Variants in GRM3 observed in about 807,000 individuals in gnomAD.
GRM3 encodes the protein glutamate metabotropic receptor 3.
Under a neutral mutation model 70.5 loss-of-function variants are expected in GRM3, and 26 were observed. The observed-to-expected ratio is 0.37, with a 90% CI of 0.27 to 0.51. GRM3 has a LOEUF of 0.51. GRM3 is among the 20% of genes least tolerant of loss of function. GRM3 has a pLI of 0.93. For missense variants in GRM3, 859 were observed against 1,123.8 expected, an observed-to-expected ratio of 0.76 and a Z score of 3.37; for synonymous variants, 443 against 434.9, an observed-to-expected ratio of 1.02 and a Z score of -0.23.
At chr7:86,838,726 C>T in intron 3 of GRM3, 113 bp from the exon 4 acceptor site, 2 of 637,748 alleles carry the variant, frequency 3.1e-6, no homozygotes, top group Non-Finnish European at 5.4e-6. Context: ...ATTATTTCAG[C>T]CTTGGAATCA....
chr7:86,862,133 G>T (rs1440793921), intron 5 of GRM3, among the ~76,000 whole-genome samples: 1 of 152,196 alleles, frequency 6.6e-6, no homozygotes, highest in Non-Finnish European at 1.5e-5. Flanking sequence ...AATGGAGGCA[G>T]GTTAGGGAAT....
At chr7:86,834,146 T>C (rs1798410807) in intron 3 of GRM3, among the ~76,000 whole-genome samples, 1 of 152,182 alleles carries the variant, frequency 6.6e-6, no homozygotes, top group Non-Finnish European at 1.5e-5. Context: ...AAATAATACA[T>C]GTACATAGTT....
intron 1 of GRM3, among the ~76,000 whole-genome samples, chr7:86,746,522 G>C (rs897640678): frequency 2.6e-5 from 4 of 151,152 alleles, no homozygotes; most frequent in Non-Finnish European, 5.9e-5. Flanking sequence ...GATGCCTTAG[G>C]GATCATTCAG....
intron 3 of GRM3, among the ~76,000 whole-genome samples, chr7:86,798,983 A>G (rs1452299670): frequency 6.7e-6 from 1 of 148,404 alleles, no homozygotes; most frequent in African/African-American, 2.6e-5. Context: ...TCTTTCCTTT[A>G]TAAATTACCT....
At chr7:86,665,646 A>G (rs1794006048) in intron 1 of GRM3, among the ~76,000 whole-genome samples, 1 of 152,074 alleles carries the variant, frequency 6.6e-6, no homozygotes, top group Non-Finnish European at 1.5e-5. Context: ...CATGCATATT[A>G]TAGTCTTCTC....
intron 1 of GRM3, among the ~76,000 whole-genome samples, chr7:86,696,727 G>T (rs985016459): frequency 8.6e-5 from 13 of 152,046 alleles, no homozygotes; most frequent in African/African-American, 3.1e-4. Flanking sequence ...TGGTAGCGGT[G>T]GTAGCAGTGG....
chr7:86,780,580 G>A (rs562856155), intron 2 of GRM3, among the ~76,000 whole-genome samples: 19 of 152,292 alleles, frequency 1.2e-4, no homozygotes, highest in Non-Finnish European at 2.6e-4. Flanking sequence ...AAGAGATTCT[G>A]CTAAACATAA....
At chr7:86,806,483 A>G (rs1391507670) in intron 3 of GRM3, among the ~76,000 whole-genome samples, 1 of 152,026 alleles carries the variant, frequency 6.6e-6, no homozygotes. Flanking sequence ...TTTGATTTGC[A>G]TTTCTCTGAT....
chr7:86,759,616 T>G (rs1350652485), intron 1 of GRM3, among the ~76,000 whole-genome samples: 1 of 152,120 alleles, frequency 6.6e-6, no homozygotes, highest in Non-Finnish European at 1.5e-5. Context: ...TAAGAATAAT[T>G]TTCAATTTAA....
chr7:86,733,879 G>C (rs527877610), intron 1 of GRM3, among the ~76,000 whole-genome samples: 1 of 152,206 alleles, frequency 6.6e-6, no homozygotes. Flanking sequence ...GGCTCCAAGC[G>C]AAGCACGAGC....
At chr7:86,743,670 T>G (rs1796040412) in intron 1 of GRM3, among the ~76,000 whole-genome samples, 1 of 152,138 alleles carries the variant, frequency 6.6e-6, no homozygotes. Context: ...AAAAAGTTTC[T>G]GATATTATAC....
At chr7:86,820,782 G>GA (rs968811395) in intron 3 of GRM3, among the ~76,000 whole-genome samples, 55 of 151,608 alleles carry the variant, frequency 3.6e-4, no homozygotes, top group East Asian at 2.7e-3. Flanking sequence ...TCCCTGAGAG[G>GA]AAAAAAAACA....
intron 5 of GRM3, among the ~76,000 whole-genome samples, chr7:86,858,087 G>T (rs1798885441): frequency 6.6e-6 from 1 of 151,950 alleles, no homozygotes; most frequent in Non-Finnish European, 1.5e-5. Flanking sequence ...CTCCCAAGTA[G>T]CTGGGACTAC....
intron 1 of GRM3, among the ~76,000 whole-genome samples, chr7:86,688,257 CATT>C (rs1490854231): frequency 2.6e-5 from 4 of 150,988 alleles, no homozygotes; most frequent in African/African-American, 9.7e-5. Flanking sequence ...ACAGAAGTAA[CATT>C]GTAAGCATAT....
At chr7:86,670,917 G>A (rs12668286) in intron 1 of GRM3, among the ~76,000 whole-genome samples, 14,351 of 152,082 alleles carry the variant, frequency 0.094, 762 homozygotes, top group South Asian at 0.15. Flanking sequence ...TTTATATTAC[G>A]TCCAAGACAA....
At chr7:86,751,434 C>T (rs1250567506) in intron 1 of GRM3, among the ~76,000 whole-genome samples, 1 of 152,094 alleles carries the variant, frequency 6.6e-6, no homozygotes, top group Admixed American at 6.6e-5. Context: ...TCTTTAGAAC[C>T]TACCACAGGG....
At chr7:86,699,142 C>T (rs1443070090) in intron 1 of GRM3, among the ~76,000 whole-genome samples, 1 of 151,988 alleles carries the variant, frequency 6.6e-6, no homozygotes, top group East Asian at 1.9e-4. Flanking sequence ...GACGTTTGAG[C>T]TTATTAATTA....
intron 2 of GRM3, among the ~76,000 whole-genome samples, chr7:86,778,100 A>C (rs967214553): frequency 2.6e-5 from 4 of 152,184 alleles, no homozygotes; most frequent in East Asian, 3.8e-4. Flanking sequence ...AAACAGCCCC[A>C]AAAAGATAGG....
At chr7:86,818,815 C>T (rs1408833652) in intron 3 of GRM3, among the ~76,000 whole-genome samples, 1 of 152,092 alleles carries the variant, frequency 6.6e-6, no homozygotes, top group Admixed American at 6.6e-5. Flanking sequence ...AAAGTAAATA[C>T]AACAATTAGC....
Sources: gnomAD v4.1 joint callset for allele counts (sites outside exome capture counted in the v4.1 genomes callset) on GRCh38, gnomAD v4.1.1 for gene constraint, MANE v1.5 for transcripts, NCBI Gene and HGNC (gene_info 2026-07-23, HGNC 2026-07-21) for gene names.